The following TCF7 variants were observed in gnomAD, a reference collection of about 807,000 sequenced individuals.
TCF7 encodes transcription factor 7.
Under a neutral mutation model 46.8 loss-of-function variants are expected in TCF7, and 19 were observed. The ratio of observed to expected loss-of-function variants is 0.41; its 90% CI spans 0.28 to 0.60. The LOEUF is 0.60. TCF7 is among the 20% of genes least tolerant of loss of function. The pLI is 0.35. For synonymous variants in TCF7, 245 were observed against 213.4 expected (o/e 1.15, Z -1.29); for missense variants, 547 against 504.6 (o/e 1.08, Z -0.81).
intron 9 of TCF7, chr5:134,145,693 G>T (rs746054957): frequency 6.2e-7 from 1 of 1,606,588 alleles, no homozygotes; most frequent in Admixed American, 1.7e-5. Flanking sequence ...TGCACGGTGG[G>T]AAACAACCCT....
chr5:134,114,301 C>T (rs1755492067), upstream of TCF7, among the ~76,000 whole-genome samples: 1 of 152,102 alleles, frequency 6.6e-6, no homozygotes, highest in Admixed American at 6.5e-5. Context: ...CAGTTCAAAG[C>T]ACAGGGCGCA....
At chr5:134,146,123 A>T (rs1156995368) in intron 9 of TCF7, 101 bp from the exon 10 acceptor site, 2 of 1,609,236 alleles carry the variant, frequency 1.2e-6, no homozygotes, top group African/African-American at 2.7e-5. Flanking sequence ...AAGAGAGGAC[A>T]AGGAATCAGC....
chr5:134,114,973 C>G lies in TCF7; in HGVS notation c.67C>G (p.Leu23Val). Residue 23 changes from leucine to valine, a missense_variant, in exon 1 of 10, where the codon CTG (leucine) becomes GTG (valine). By Grantham distance (32) the Leu-to-Val change is conservative. Around this residue, in one of 3 missense-constraint regions of TCF7, gnomAD observed 425 missense variants for 349.9 expected, o/e 1.21. Coordinates refer to ENST00000342854, the MANE Select transcript of TCF7 (RefSeq NM_003202.5). ...CGACGACCTCGGCGCGCCGGACGAG[C>G]TGCTGGCCTTCCAGGATGAAGGCGA... ...GGDDLGAPDELLAFQDEGEEQ... is the reference protein window; with the variant it reads ...GGDDLGAPDEVLAFQDEGEEQ... 1 of 1,200,672 alleles carries G rather than the reference C, an allele frequency of 8.3e-7. No individual in the cohort carries two copies. The highest frequency in any genetic ancestry group is 1.7e-5 in the South Asian group (1 of 60,014). The allele number at this position is 1,200,672 out of a possible 1,614,324, so 74.4% of individuals were successfully genotyped here. A position where few individuals can be genotyped will look rare whatever the true frequency, so the allele number is the denominator to read the frequency against.
chr5:134,117,846 T>A (rs1014833736), intron 3 of TCF7, among the ~76,000 whole-genome samples: 1 of 152,104 alleles, frequency 6.6e-6, no homozygotes, highest in Non-Finnish European at 1.5e-5. Flanking sequence ...AGCCACAGTC[T>A]CCACTGTCTG....
chr5:134,112,159 C>T (rs949460299), upstream of TCF7, among the ~76,000 whole-genome samples: 1 of 152,188 alleles, frequency 6.6e-6, no homozygotes, highest in Non-Finnish European at 1.5e-5. Context: ...CCCTCCTAAG[C>T]CATCCAGGCC....
chr5:134,115,064 C>A lies in TCF7; in HGVS notation c.158C>A (p.Ser53Ter). The change falls in exon 1 of 10, where the codon TCG becomes TAG. Residue 53 changes from serine to a stop codon, truncating the protein, a stop_gained. Coordinates refer to ENST00000342854, the MANE Select transcript of TCF7 (RefSeq NM_003202.5). LOFTEE classifies it high-confidence loss of function. ...GAGCGCGACCTGGCCGAGCTCAAGT[C>A]GTCGCTCGTGAACGAGTCCGAGGGC... ...GPERDLAELKSSLVNESEGAA... is the reference protein window; with the variant it reads ...GPERDLAELK 5.0e-6 allele frequency: 6 copies of A among 1,201,458 alleles called. No homozygotes were observed. The South Asian group carries it at 1.0e-4, about 20-fold the overall frequency. 74.4% of individuals were successfully genotyped at this position (1,201,458 alleles called of 1,614,324 possible).
Position 134,115,283 on chromosome 5 carries a change from TC to T in TCF7, c.250-35del, listed in dbSNP as rs577854828. On this transcript the variant is annotated intron_variant, in intron 1 of 9. Coordinates refer to ENST00000342854, the MANE Select transcript of TCF7 (RefSeq NM_003202.5). ...CCGGCGTCGGCCCCGACCCCCGCGGTCCCACCGCCCCTCACTCCCCTCCGGT... is the reference window on the plus strand; with the variant it reads ...CCGGCGTCGGCCCCGACCCCCGCGGTCCACCGCCCCTCACTCCCCTCCGGT... 1,117 of 1,505,836 alleles carry T rather than the reference TC, an allele frequency of 7.4e-4. 8 individuals are homozygous for T. The African/African-American group carries it at 0.014, about 19-fold the overall frequency. 93.3% of individuals were successfully genotyped at this position (1,505,836 alleles called of 1,614,324 possible).
Position 134,147,249 on chromosome 5 carries a change from G to A in TCF7, c.*946G>A, listed in dbSNP as rs1561710264. Reference sequence around the variant, plus strand: ...CAAATTATTTGGAAGTGTTCCCTGAGAAACCCACCAGCCTAAGAAGCTCTG... The same window carrying A: ...CAAATTATTTGGAAGTGTTCCCTGAAAAACCCACCAGCCTAAGAAGCTCTG... On this transcript the variant is annotated 3_prime_UTR_variant, in exon 10 of 10. Transcript: ENST00000342854. 1 of 152,250 alleles carries A rather than the reference G, an allele frequency of 6.6e-6. No individual in the cohort carries two copies. Among genetic ancestry groups the A allele is most frequent in the Non-Finnish European group, 1.5e-5 (1 of 68,108 alleles). 9.4% of individuals were successfully genotyped at this position (152,250 alleles called of 1,614,324 possible).
intron 3 of TCF7, among the ~76,000 whole-genome samples, chr5:134,120,388 C>A (rs1010976874): frequency 6.6e-6 from 1 of 152,152 alleles, no homozygotes; most frequent in Non-Finnish European, 1.5e-5. Flanking sequence ...CCTGATGAGA[C>A]CCCGCATCAG....
At chr5:134,144,889 C>T (rs371476807) in intron 9 of TCF7, 78 of 1,609,780 alleles carry the variant, frequency 4.8e-5, no homozygotes, top group African/African-American at 4.5e-4. Flanking sequence ...TCCCCACCAT[C>T]GTTCTCCCTT....
intron 6 of TCF7, 104 bp from the exon 7 acceptor site, chr5:134,142,617 G>A: frequency 7.0e-7 from 1 of 1,431,254 alleles, no homozygotes; most frequent in African/African-American, 1.4e-5. Context: ...AGAAAACTCT[G>A]GTATCATACA....
At chr5:134,136,295 C>T (rs1454766841) in intron 3 of TCF7, among the ~76,000 whole-genome samples, 1 of 152,114 alleles carries the variant, frequency 6.6e-6, no homozygotes, top group Non-Finnish European at 1.5e-5. Flanking sequence ...CACATGTGTC[C>T]ACATACCCTG....
Position 134,115,955 on chromosome 5 carries a change from C to T in TCF7, c.363C>T (p.Val121=), listed in dbSNP as rs1285218288. Reference sequence around the variant, plus strand: ...CCAGCGGCATGTACAAAGAGACCGTCTACTCCGCCTTCAATCTGCTCATGC... The same window carrying T: ...CCAGCGGCATGTACAAAGAGACCGTTTACTCCGCCTTCAATCTGCTCATGC... The part of the protein sequence containing the change: ...ECTSGMYKET[V]YSAFNLLMHY... Residue 121 remains valine (V), a synonymous_variant, in exon 3 of 10, where the codon GTC becomes GTT. Coordinates refer to ENST00000342854, the MANE Select transcript of TCF7 (RefSeq NM_003202.5). 1 of 1,613,944 alleles carries T rather than the reference C, an allele frequency of 6.2e-7. No homozygotes were observed.
At chr5:134,145,942 G>A in intron 9 of TCF7, 1 of 1,488,040 alleles carries the variant, frequency 6.7e-7, no homozygotes, top group Non-Finnish European at 8.9e-7. Context: ...GACTCCCTTG[G>A]AAGACAGGAG....
Position 134,115,018 on chromosome 5 carries a change from CG to C in TCF7, c.113del (p.Arg38ProfsTer19). On this transcript the variant is annotated frameshift_variant, in exon 1 of 10. Transcript: ENST00000342854. LOFTEE classifies it high-confidence loss of function. ...AGGCGAGGAGCAGGACGACAAGAGC[CG>C]CGACAGCGCCGCCGGTCCCGAGCGC... The part of the protein sequence containing the change: ...DEGEEQDDKS[R>X]DSAAGPERDL... 1 of 1,257,072 alleles carries C rather than the reference CG, an allele frequency of 8.0e-7. No homozygotes were observed. The highest frequency in any genetic ancestry group is 1.0e-6 in the Non-Finnish European group (1 of 976,292). 77.9% of individuals were successfully genotyped at this position (1,257,072 alleles called of 1,614,324 possible).
chr5:134,114,512 C>A (rs932975660), upstream of TCF7, among the ~76,000 whole-genome samples: 4 of 152,222 alleles, frequency 2.6e-5, no homozygotes, highest in East Asian at 1.9e-4. Flanking sequence ...GAAGGGTGAT[C>A]ATTCCCAGGC....
At chr5:134,134,703 A>C (rs1263745498) in intron 3 of TCF7, among the ~76,000 whole-genome samples, 1 of 152,214 alleles carries the variant, frequency 6.6e-6, no homozygotes, top group Non-Finnish European at 1.5e-5. Flanking sequence ...TTTTACAAGG[A>C]GAGAAAATGC....
chr5:134,123,469 A>C (rs996022951), intron 3 of TCF7: 1 of 323,916 alleles, frequency 3.1e-6, no homozygotes, highest in Admixed American at 4.0e-5. Context: ...AAAAGGGCAC[A>C]GAGGAGGGAG....
At chr5:134,132,997 A>C (rs1391305899) in intron 3 of TCF7, among the ~76,000 whole-genome samples, 1 of 152,202 alleles carries the variant, frequency 6.6e-6, no homozygotes, top group African/African-American at 2.4e-5. Context: ...TGGTCTGAGG[A>C]AGTCTTTGAG....
Sources: allele counts gnomAD v4.1 joint callset (sites outside exome capture counted in the v4.1 genomes callset), GRCh38; gene constraint gnomAD v4.1.1; regional missense constraint gnomAD v4.1.1; transcripts MANE v1.5; gene names NCBI Gene and HGNC (gene_info 2026-07-23, HGNC 2026-07-21).